Variants in RANBP17 observed in about 807,000 individuals in gnomAD.
The protein encoded by RANBP17 is RAN binding protein 17, also known as ran-binding protein 17.
A neutral mutation model predicts 141.2 loss-of-function variants in RANBP17; 158 were observed. The observed-to-expected ratio is 1.12, with a 90% CI of 0.98 to 1.28. The LOEUF is 1.28. Among genes scored for constraint, RANBP17 ranks in the 50% most tolerant of loss-of-function variants. The pLI, the probability that RANBP17 is intolerant of heterozygous loss-of-function variation, is 0.00. For synonymous variants in RANBP17, 430 were observed against 450.0 expected, an observed-to-expected ratio of 0.96 and a Z score of 0.56; for missense variants, 1,438 against 1,290.7, an observed-to-expected ratio of 1.11 and a Z score of -1.75.
intron 24 of RANBP17, among the ~76,000 whole-genome samples, chr5:171,250,653 C>T (rs1275813341): frequency 6.6e-6 from 1 of 152,006 alleles, no homozygotes; most frequent in East Asian, 1.9e-4. Context: ...AAAAGATAAT[C>T]CACACAAACA....
At chr5:170,900,498 G>T (rs566559485) in intron 5 of RANBP17, among the ~76,000 whole-genome samples, 2 of 151,940 alleles carry the variant, frequency 1.3e-5, no homozygotes, top group Non-Finnish European at 1.5e-5. Flanking sequence ...AGGGTTGTTC[G>T]TGTCTCTATC....
chr5:171,069,725 C>T (rs1020508530), intron 14 of RANBP17, among the ~76,000 whole-genome samples: 5 of 152,086 alleles, frequency 3.3e-5, no homozygotes, highest in African/African-American at 1.2e-4. Context: ...TTAAGGTAGG[C>T]TAGGCTAAGC....
At chr5:171,283,153 A>C (rs990957123) in intron 25 of RANBP17, among the ~76,000 whole-genome samples, 4 of 152,198 alleles carry the variant, frequency 2.6e-5, no homozygotes, top group African/African-American at 7.2e-5. Flanking sequence ...AGCCCTAGGC[A>C]GGGTTAGCCT....
At chr5:171,015,913 C>T (rs1357848353) in intron 14 of RANBP17, among the ~76,000 whole-genome samples, 1 of 152,124 alleles carries the variant, frequency 6.6e-6, no homozygotes, top group Non-Finnish European at 1.5e-5. Flanking sequence ...TCTGTCTAAT[C>T]CTTCTGATGG....
intron 14 of RANBP17, among the ~76,000 whole-genome samples, chr5:171,100,638 C>A (rs1787086349): frequency 6.6e-6 from 1 of 152,056 alleles, no homozygotes; most frequent in Non-Finnish European, 1.5e-5. Context: ...TTGTCTTCTG[C>A]TAGCTTTTGA....
At chr5:170,997,664 C>A (rs1434928272) in intron 14 of RANBP17, among the ~76,000 whole-genome samples, 2 of 152,114 alleles carry the variant, frequency 1.3e-5, no homozygotes, top group South Asian at 2.1e-4. Context: ...TATACTAATC[C>A]AGTATTTCTG....
intron 18 of RANBP17, among the ~76,000 whole-genome samples, chr5:171,198,334 C>G (rs1393391010): frequency 1.3e-5 from 2 of 152,116 alleles, no homozygotes; most frequent in African/African-American, 4.8e-5. Flanking sequence ...ATTTGTTGGC[C>G]CTTTGGCATC....
intron 12 of RANBP17, among the ~76,000 whole-genome samples, chr5:170,940,559 T>C (rs1204266920): frequency 6.6e-6 from 1 of 152,172 alleles, no homozygotes; most frequent in Non-Finnish European, 1.5e-5. Context: ...ATAACAATTT[T>C]AGATATCTAG....
At chr5:170,869,220 CA>C (rs1767508997) in intron 1 of RANBP17, among the ~76,000 whole-genome samples, 1 of 151,968 alleles carries the variant, frequency 6.6e-6, no homozygotes, top group African/African-American at 2.4e-5. Flanking sequence ...TAAAACAAAA[CA>C]GACAAATAAT....
At chr5:171,013,419 C>A (rs1780202814) in intron 14 of RANBP17, among the ~76,000 whole-genome samples, 1 of 151,990 alleles carries the variant, frequency 6.6e-6, no homozygotes, top group Non-Finnish European at 1.5e-5. Context: ...TTGTCTGTAC[C>A]ACTTGTCTCC....
chr5:171,295,835 C>G (rs371345084), intron 26 of RANBP17, 52 bp from the exon 27 acceptor site: 12 of 1,595,260 alleles, frequency 7.5e-6, no homozygotes, highest in Non-Finnish European at 9.4e-6. Flanking sequence ...TGCCAGCTGT[C>G]TTCAGGCGGG....
chr5:171,123,244 C>T (rs1229217697), intron 14 of RANBP17, among the ~76,000 whole-genome samples: 1 of 152,162 alleles, frequency 6.6e-6, no homozygotes, highest in African/African-American at 2.4e-5. Flanking sequence ...CACATGCCAC[C>T]TGCTGGTACC....
chr5:171,107,570 T>C (rs1754940157), intron 14 of RANBP17, among the ~76,000 whole-genome samples: 1 of 152,228 alleles, frequency 6.6e-6, no homozygotes, highest in Non-Finnish European at 1.5e-5. Context: ...CCCTCTGTGC[T>C]AGGGCAGTAA....
intron 25 of RANBP17, among the ~76,000 whole-genome samples, chr5:171,270,905 A>C (rs1767058522): frequency 1.3e-5 from 2 of 151,792 alleles, no homozygotes; most frequent in Admixed American, 1.3e-4. Flanking sequence ...CGTCTTGAAA[A>C]CCTTAATATA....
intron 1 of RANBP17, among the ~76,000 whole-genome samples, chr5:170,864,384 C>A (rs1339308519): frequency 6.6e-6 from 1 of 152,170 alleles, no homozygotes; most frequent in Admixed American, 6.5e-5. Context: ...TTAACATAAA[C>A]CGCTCATTGC....
rs527972310 is a variant in RANBP17, at chr5:170,960,984, G to A, written c.1575-7258G>A. On this transcript the variant is annotated intron_variant, in intron 13 of 27. Transcript: ENST00000523189. ...TGATCTCAAACTCCTGACCTCAAGG[G>A]ATCTGCCTGCCTTGGGCTCCCAAAG... 2.0e-5 allele frequency among the ~76,000 whole-genome samples: 3 copies of A among 152,302 alleles called. 1 individual carries two copies. The South Asian group carries it at 6.2e-4, about 32-fold the overall frequency.
intron 2 of RANBP17, among the ~76,000 whole-genome samples, chr5:170,880,856 T>C (rs1295934278): frequency 6.6e-6 from 1 of 152,242 alleles, no homozygotes; most frequent in Non-Finnish European, 1.5e-5. Flanking sequence ...TGTCATGTCA[T>C]GACAACACCC....
intron 14 of RANBP17, among the ~76,000 whole-genome samples, chr5:171,083,076 T>C (rs1785358938): frequency 6.6e-6 from 1 of 152,174 alleles, no homozygotes; most frequent in Non-Finnish European, 1.5e-5. Context: ...TTTCTTTTCT[T>C]GTTTGACTTT....
At chr5:171,068,651 A>T (rs1202933824) in intron 14 of RANBP17, among the ~76,000 whole-genome samples, 1 of 151,920 alleles carries the variant, frequency 6.6e-6, no homozygotes, top group East Asian at 1.9e-4. Flanking sequence ...CAGGGATGTG[A>T]TCTCAGCTCA....
Sources: allele counts gnomAD v4.1 joint callset (sites outside exome capture counted in the v4.1 genomes callset), GRCh38; gene constraint gnomAD v4.1.1; transcripts MANE v1.5; gene names NCBI Gene and HGNC (gene_info 2026-07-23, HGNC 2026-07-21).